The following DOCK7 variants were observed in gnomAD, a reference collection of about 807,000 sequenced individuals.
The protein encoded by DOCK7 is dedicator of cytokinesis 7, also known as dedicator of cytokinesis protein 7.
Under a neutral mutation model 271.0 loss-of-function variants are expected in DOCK7, and 138 were observed. The ratio of observed to expected loss-of-function variants is 0.51; its 90% CI spans 0.44 to 0.59. The LOEUF is 0.59. Ranked by LOEUF, DOCK7 falls within the 20% of genes least tolerant of loss-of-function variation. The probability of loss-of-function intolerance (pLI) is 0.00; values close to 1 mark genes in which losing one functional copy is unlikely to be tolerated. For missense variants in DOCK7, 2,066 were observed against 2,592.4 expected, an observed-to-expected ratio of 0.80 and a Z score of 4.41; for synonymous variants, 823 against 876.1, an observed-to-expected ratio of 0.94 and a Z score of 1.07.
intron 41 of DOCK7, among the ~76,000 whole-genome samples, chr1:62,490,216 G>A (rs1162531003): frequency 6.6e-6 from 1 of 151,696 alleles, no homozygotes; most frequent in Non-Finnish European, 1.5e-5. Context: ...GACTACAGGT[G>A]CTCACCACCA....
chr1:62,507,251 G>A (rs898565779), intron 35 of DOCK7, among the ~76,000 whole-genome samples: 1 of 152,168 alleles, frequency 6.6e-6, no homozygotes, highest in African/African-American at 2.4e-5. Context: ...GAAAAGGAAT[G>A]GAAGGAATAG....
At chr1:62,655,948 G>A (rs549436679) in intron 2 of DOCK7, among the ~76,000 whole-genome samples, 13 of 152,274 alleles carry the variant, frequency 8.5e-5, no homozygotes, top group Non-Finnish European at 1.6e-4. Flanking sequence ...CAAAATGGTA[G>A]AGCAGAAATT....
chr1:62,499,950 T>A (rs35529421), intron 37 of DOCK7, among the ~76,000 whole-genome samples: 51,566 of 142,116 alleles, frequency 0.36, 9,008 homozygotes, highest in South Asian at 0.44. Context: ...AAAAAAAAAA[T>A]GAGCTAAAAA....
At position 62,648,544 on chromosome 1, in the gene DOCK7, T is replaced by G. The variant is rs550800563; in HGVS notation, c.390A>C (p.Lys130Asn). The part of the protein sequence containing the change: ...YTEDWAIVIR[K>N]YHKLGTGFNP... Reference sequence around the variant, plus strand: ...TAAATCCTGTTCCCAATTTATGATATCTATTAAAGAAAAAAAGTTAAATAA... The same window carrying G: ...TAAATCCTGTTCCCAATTTATGATAGCTATTAAAGAAAAAAAGTTAAATAA... The change falls in exon 5 of 50, where the codon AAA becomes AAC. Residue 130 changes from lysine (K) to asparagine (N), a missense_variant and splice_region_variant. By Grantham distance (94) the Lys-to-Asn change is moderately conservative. Around this residue, in one of 2 missense-constraint regions of DOCK7, gnomAD observed 1,414 missense variants for 1,670.4 expected, o/e 0.85. Transcript: ENST00000635253. 4.0e-5 allele frequency: 52 copies of G among 1,290,232 alleles called. No homozygotes were observed. Among genetic ancestry groups the G allele is most frequent in the Non-Finnish European group, 1.1e-5 (11 of 976,126 alleles). The allele number at this position is 1,290,232 out of a possible 1,614,324, so 79.9% of individuals were successfully genotyped here.
intron 1 of DOCK7, among the ~76,000 whole-genome samples, chr1:62,687,927 G>A (rs1046431640): frequency 6.6e-6 from 1 of 152,198 alleles, no homozygotes; most frequent in African/African-American, 2.4e-5. Flanking sequence ...AACCTCCGCA[G>A]AAGTCCAGGC....
chr1:62,553,312 T>TATA (rs1553168301), intron 21 of DOCK7, among the ~76,000 whole-genome samples: 1 of 20,584 alleles, frequency 4.9e-5, no homozygotes, highest in African/African-American at 2.0e-4. Context: ...AAAAAGTATT[T>TATA]TATATATATA....
intron 16 of DOCK7, among the ~76,000 whole-genome samples, chr1:62,581,090 G>A (rs1473025609): frequency 2.0e-5 from 3 of 152,016 alleles, no homozygotes; most frequent in African/African-American, 7.3e-5. Context: ...AATTTTTGCC[G>A]ACCCCTGGTA....
At chr1:62,634,294 A>T (rs1654980083) in intron 9 of DOCK7, 1 of 152,372 alleles carries the variant, frequency 6.6e-6, no homozygotes, top group Non-Finnish European at 1.5e-5. Context: ...TCATGGACTG[A>T]AAAGATTTGA....
intron 49 of DOCK7, among the ~76,000 whole-genome samples, chr1:62,457,213 T>C (rs888153863): frequency 6.6e-6 from 1 of 152,202 alleles, no homozygotes; most frequent in African/African-American, 2.4e-5. Flanking sequence ...TTTTTGATTC[T>C]CAAGTTATTT....
chr1:62,638,751 A>G (rs865985761), intron 7 of DOCK7, among the ~76,000 whole-genome samples: 4 of 151,310 alleles, frequency 2.6e-5, no homozygotes, highest in African/African-American at 9.7e-5. Flanking sequence ...AGAAACACAT[A>G]CATAGACAAG....
intron 31 of DOCK7, among the ~76,000 whole-genome samples, chr1:62,521,114 G>A (rs559089986): frequency 6.7e-6 from 1 of 148,502 alleles, no homozygotes; most frequent in South Asian, 2.2e-4. Context: ...GGGTAGGGGG[G>A]TAGGGGAGGG....
At chr1:62,552,939 A>C in intron 21 of DOCK7, 38 bp from the exon 22 acceptor site, 1 of 1,403,636 alleles carries the variant, frequency 7.1e-7, no homozygotes, top group Non-Finnish European at 9.4e-7. Flanking sequence ...ATTAAAGAAA[A>C]TTAGTCAGGA....
chr1:62,587,299 T>TAAAAAAAAAAAAAAAAAAAAAAAA, intron 14 of DOCK7, among the ~76,000 whole-genome samples: 3 of 41,814 alleles, frequency 7.2e-5, no homozygotes, highest in South Asian at 9.3e-4. Flanking sequence ...ACCAAATAGC[T>TAAAAAAAAAAAAAAAAAAAAAAAA]AAAAAAAAAA....
At chr1:62,456,552 A>G (rs1645353100) in intron 49 of DOCK7, among the ~76,000 whole-genome samples, 1 of 152,178 alleles carries the variant, frequency 6.6e-6, no homozygotes, top group Admixed American at 6.5e-5. Flanking sequence ...ATCAAGAAAA[A>G]GTTTTTCAAA....
intron 31 of DOCK7, chr1:62,516,821 C>A (rs1283865978): frequency 6.6e-6 from 1 of 152,420 alleles, no homozygotes; most frequent in East Asian, 1.9e-4. Flanking sequence ...ATGTCTGCCC[C>A]TTCTCCTAAA....
chr1:62,678,688 G>A (rs1660791832), intron 1 of DOCK7, among the ~76,000 whole-genome samples: 1 of 152,026 alleles, frequency 6.6e-6, no homozygotes, highest in South Asian at 2.1e-4. Flanking sequence ...AAAGGGCTAA[G>A]AGCAGTCAAG....
intron 21 of DOCK7, 116 bp from the exon 22 acceptor site, chr1:62,553,017 T>C: frequency 1.7e-6 from 1 of 574,058 alleles, no homozygotes; most frequent in Non-Finnish European, 2.5e-6. Context: ...CTTTGGTTTC[T>C]AAATAAAAAA....
chr1:62,659,037 C>G (rs746610812), intron 2 of DOCK7, among the ~76,000 whole-genome samples: 1 of 151,334 alleles, frequency 6.6e-6, no homozygotes, highest in Non-Finnish European at 1.5e-5. Flanking sequence ...ACCAGCAGAT[C>G]TATTCTAAAA....
intron 2 of DOCK7, among the ~76,000 whole-genome samples, chr1:62,661,830 A>G (rs550586775): frequency 6.6e-6 from 1 of 152,306 alleles, no homozygotes; most frequent in East Asian, 1.9e-4. Context: ...AGGTCTGATT[A>G]TAGAAATTTT....
Sources: allele counts gnomAD v4.1 joint callset (sites outside exome capture counted in the v4.1 genomes callset), GRCh38; gene constraint gnomAD v4.1.1; regional missense constraint gnomAD v4.1.1; transcripts MANE v1.5; gene names NCBI Gene and HGNC (gene_info 2026-07-23, HGNC 2026-07-21).